The following CNGA2 variants were observed in gnomAD, a reference collection of about 807,000 sequenced individuals.
CNGA2 encodes the protein cyclic nucleotide-gated channel alpha-2.
A neutral mutation model predicts 35.9 loss-of-function variants in CNGA2; 22 were observed. The ratio of observed to expected loss-of-function variants is 0.61; its 90% CI spans 0.44 to 0.88. The LOEUF (loss-of-function observed/expected upper bound fraction) is 0.88. CNGA2 is among the 40% of genes least tolerant of loss of function. The probability of loss-of-function intolerance (pLI) is 0.00; values close to 1 mark genes in which losing one functional copy is unlikely to be tolerated. For missense variants in CNGA2, 555 were observed against 530.8 expected, an observed-to-expected ratio of 1.05 and a Z score of -0.45; for synonymous variants, 217 against 209.2, an observed-to-expected ratio of 1.04 and a Z score of -0.32.
At position 151,744,129 on chromosome X, in the gene CNGA2, C is replaced by G. The variant is rs1202632536; in HGVS notation, c.1626C>G (p.Ser542Arg). The G allele has an allele frequency of 8.3e-7, 1 of 1,207,755 alleles. No homozygotes were observed. Among genetic ancestry groups the G allele is most frequent in the Non-Finnish European group, 1.1e-6 (1 of 894,759 alleles). The part of the protein sequence containing the change: ...MGNRRTANIR[S>R]LGYSDLFCLS... ...ATCGACGCACAGCTAATATCCGCAGCCTGGGCTACTCAGATCTCTTCTGCT... is the reference window on the plus strand; with the variant it reads ...ATCGACGCACAGCTAATATCCGCAGGCTGGGCTACTCAGATCTCTTCTGCT... Residue 542 changes from serine (S) to arginine (R), a missense_variant, in exon 7 of 7, where the codon AGC becomes AGG. Ser to Arg is a moderately radical substitution (Grantham distance 110, BLOSUM62 -1). Transcript: ENST00000329903.
In CNGA2 at chrX:151,739,590, G is replaced by T. The variant is rs1290473022; in HGVS notation, c.232G>T (p.Glu78Ter). The part of the protein sequence containing the change: ...RIVRLVGIIR[E>*]WANKNFREEE... ...AGTTCGCCTGGTGGGGATCATCAGA[G>T]AATGGGCCAACAAGAATTTCCGAGA... is the stretch of plus-strand genomic sequence containing the variant. The change falls in exon 4 of 7, where the codon GAA becomes TAA. Residue 78 changes from glutamate (E) to a stop codon, truncating the protein, a stop_gained. Coordinates refer to ENST00000329903, the MANE Select transcript of CNGA2 (RefSeq NM_005140.3). LOFTEE classifies it high-confidence loss of function. 1 of 1,211,757 alleles carries T rather than the reference G, an allele frequency of 8.3e-7. No individual in the cohort carries two copies. The highest frequency in any genetic ancestry group is 1.1e-6 in the Non-Finnish European group (1 of 895,510).
At position 151,743,368 on chromosome X, in the gene CNGA2, A is replaced by C. The variant is rs1469550830; in HGVS notation, c.865A>C (p.Asn289His). 5.0e-6 allele frequency: 6 copies of C among 1,209,385 alleles called. No individual in the cohort carries two copies. The highest frequency in any genetic ancestry group is 6.7e-6 in the Non-Finnish European group (6 of 895,059). ...CTACATCTTGGTCATCATCCACTGG[A>C]ATGCCTGCATCTATTATGCCATCTC... ...VLYILVIIHWNACIYYAISKS... is the reference protein window; with the variant it reads ...VLYILVIIHWHACIYYAISKS... The change falls in exon 7 of 7, where the codon AAT becomes CAT. Residue 289 changes from asparagine to histidine, a missense_variant. Transcript: ENST00000329903.
At chrX:151,735,999 A>C (rs973878473) in intron 1 of CNGA2, among the ~76,000 whole-genome samples, 9 of 111,411 alleles carry the variant, frequency 8.1e-5, no homozygotes, top group Non-Finnish European at 1.1e-4. Flanking sequence ...AGTACCCGGC[A>C]TAGAACACTT....
rs2015315033 is a variant in CNGA2 at position 151,742,526 on chromosome X, C to T, written c.483-10C>T. On this transcript the variant is annotated splice_polypyrimidine_tract_variant and intron_variant, in intron 5 of 6. Transcript: ENST00000329903. ...CTTTGGGGGTGAAGCTTAGCCCTGT[C>T]CTCCCGCAGAGCCTGCTTCAGTGAC... The T allele has an allele frequency of 4.2e-6, 5 of 1,192,783 alleles. No individual in the cohort carries two copies. Among genetic ancestry groups the T allele is most frequent in the Non-Finnish European group, 5.7e-6 (5 of 879,930 alleles).
rs1296159793 is a variant in CNGA2 at position 151,744,439 on chromosome X, G to A, written c.1936G>A (p.Asp646Asn). The change falls in exon 7 of 7, where the codon GAT becomes AAT. Residue 646 changes from aspartate to asparagine, a missense_variant. Asp to Asn is a conservative substitution (Grantham distance 23, BLOSUM62 1). Coordinates refer to ENST00000329903, the MANE Select transcript of CNGA2 (RefSeq NM_005140.3). ...LETKMKQNNE[D>N]DYLSDGMNSP... ...AACCAAGATGAAACAGAACAATGAA[G>A]ATGACTACCTGTCTGATGGGATGAA... 8.3e-7 allele frequency: 1 copy of A among 1,204,533 alleles called. No homozygotes were observed. Among genetic ancestry groups the A allele is most frequent in the Non-Finnish European group, 1.1e-6 (1 of 891,986 alleles).
rs1032735907 is a variant in CNGA2, at chrX:151,744,029, A to G, written c.1526A>G (p.Gln509Arg). 1 of 1,209,354 alleles carries G rather than the reference A, an allele frequency of 8.3e-7. No homozygotes were observed. Among genetic ancestry groups the G allele is most frequent in the Non-Finnish European group, 1.1e-6 (1 of 895,182 alleles). Residue 509 changes from glutamine (Q) to arginine (R), a missense_variant, in exon 7 of 7, where the codon CAG becomes CGG. Gln to Arg is a conservative substitution (Grantham distance 43). Coordinates refer to ENST00000329903, the MANE Select transcript of CNGA2 (RefSeq NM_005140.3). Reference protein sequence around the residue: ...LAVVADDGVTQYALLSAGSCF... With the variant: ...LAVVADDGVTRYALLSAGSCF... ...GTGGTGGCTGATGATGGTGTGACTC[A>G]GTATGCTCTGCTGTCGGCTGGAAGC...
chrX:151,737,993 C>T (rs1165092660), intron 1 of CNGA2, among the ~76,000 whole-genome samples: 9 of 105,784 alleles, frequency 8.5e-5, no homozygotes, highest in African/African-American at 3.1e-4. Flanking sequence ...GGAAGCTACT[C>T]TGGGTCAGGG....
rs147644460 is a variant in CNGA2, at chrX:151,744,161, A to G, written c.1658A>G (p.Lys553Arg). 6.3e-5 allele frequency: 76 copies of G among 1,207,970 alleles called. No homozygotes were observed. The African/African-American group carries it at 1.2e-3, about 19-fold the overall frequency. The change falls in exon 7 of 7, where the codon AAG becomes AGG. Residue 553 changes from lysine to arginine, a missense_variant. Physicochemically the swap from Lys to Arg is conservative, Grantham distance 26 (BLOSUM62 2). Transcript: ENST00000329903. ...LGYSDLFCLS[K>R]DDLMEAVTEY... ...TACTCAGATCTCTTCTGCTTGTCCAAGGATGATCTTATGGAAGCTGTGACT... is the reference window on the plus strand; with the variant it reads ...TACTCAGATCTCTTCTGCTTGTCCAGGGATGATCTTATGGAAGCTGTGACT...
chrX:151,744,361 G>A lies in CNGA2; in HGVS notation c.1858G>A (p.Ala620Thr). 2 of 1,211,399 alleles carry A rather than the reference G, an allele frequency of 1.7e-6. No individual in the cohort carries two copies. Among genetic ancestry groups the A allele is most frequent in the Non-Finnish European group, 2.2e-6 (2 of 895,468 alleles). Residue 620 changes from alanine (A) to threonine (T), a missense_variant, in exon 7 of 7, where the codon GCT (alanine) becomes ACT (threonine). Physicochemically the swap from Ala to Thr is moderately conservative, Grantham distance 58. Coordinates refer to ENST00000329903, the MANE Select transcript of CNGA2 (RefSeq NM_005140.3). ...GTACACTCGCTTTGGCCGCCTGCTG[G>A]CTGAGTACACGGGGGCCCAGCAGAA... ...TLYTRFGRLL[A>T]EYTGAQQKLK...
intron 1 of CNGA2, among the ~76,000 whole-genome samples, chrX:151,736,824 T>G (rs776799504): frequency 9.0e-6 from 1 of 111,602 alleles, no homozygotes; most frequent in Non-Finnish European, 1.9e-5. Flanking sequence ...GGCCTGGCCC[T>G]GGATTACAGC....
In CNGA2 at chrX:151,740,786, C is replaced by T. The variant is rs1307416168; in HGVS notation, c.375-8C>T. On this transcript the variant is annotated splice_polypyrimidine_tract_variant and splice_region_variant and intron_variant, in intron 4 of 6. Coordinates refer to ENST00000329903, the MANE Select transcript of CNGA2 (RefSeq NM_005140.3). Reference sequence around the variant, plus strand: ...ATCCCCAAACCTTGCCTTTGTCTGTCTTCTCAGGAAGAAATTTGAACTATT... The same window carrying T: ...ATCCCCAAACCTTGCCTTTGTCTGTTTTCTCAGGAAGAAATTTGAACTATT... The T allele has an allele frequency of 3.3e-6, 4 of 1,195,831 alleles. No individual in the cohort carries two copies. Among genetic ancestry groups the T allele is most frequent in the African/African-American group, 1.7e-5 (1 of 57,575 alleles).
chrX:151,742,970 A>ATG (rs377750886), intron 6 of CNGA2, 123 bp from the exon 7 acceptor site: 1 of 70,807 alleles, frequency 1.4e-5, no homozygotes, highest in Non-Finnish European at 2.4e-5. Flanking sequence ...GTATATATAT[A>ATG]TGTATATATA....
chrX:151,740,200 T>C (rs1030558297), intron 4 of CNGA2, among the ~76,000 whole-genome samples: 1 of 111,902 alleles, frequency 8.9e-6, no homozygotes, highest in African/African-American at 3.3e-5. Context: ...GGTTTGTCTT[T>C]TGAGGAATGA....
intron 1 of CNGA2, among the ~76,000 whole-genome samples, 194 bp downstream of exon 1, chrX:151,735,137 T>G (rs2015234047): frequency 8.9e-6 from 1 of 112,086 alleles, no homozygotes; most frequent in African/African-American, 3.2e-5. Flanking sequence ...CTGGGCTGGC[T>G]GCTCAACTTG....
chrX:151,741,013 AC>A (rs948326190), intron 5 of CNGA2, 112 bp downstream of exon 5: 1 of 531,453 alleles, frequency 1.9e-6, no homozygotes, highest in Non-Finnish European at 3.3e-6. Context: ...TTCTCTGTTA[AC>A]CCCAACCCTC....
rs1014565545 is a variant in CNGA2, at chrX:151,744,702, C to T, written c.*204C>T. The T allele has an allele frequency of 2.9e-5, 10 of 350,796 alleles. No homozygotes were observed. Among genetic ancestry groups the T allele is most frequent in the South Asian group, 1.1e-4 (1 of 8,992 alleles). The allele number at this position is 350,796 out of a possible 1,213,427, so 28.9% of individuals were successfully genotyped here. On this transcript the variant is annotated 3_prime_UTR_variant, in exon 7 of 7. Coordinates refer to ENST00000329903, the MANE Select transcript of CNGA2 (RefSeq NM_005140.3). ...CCAAGTTTGTGGAGAGTACAGACTG[C>T]GTTGGCTGGGCTTCCGAGAGCTTCG...
At position 151,744,622 on chromosome X, in the gene CNGA2, T is replaced by C; in HGVS notation, c.*124T>C. On this transcript the variant is annotated 3_prime_UTR_variant, in exon 7 of 7. Coordinates refer to ENST00000329903, the MANE Select transcript of CNGA2 (RefSeq NM_005140.3). ...TGTTCCCTGAATTCTCCCAAAAGCC[T>C]CTCTGACCCTGGGTTTTTGGCCTAA... 1.6e-6 allele frequency: 1 copy of C among 629,075 alleles called. No individual in the cohort carries two copies. Among genetic ancestry groups the C allele is most frequent in the South Asian group, 4.1e-5 (1 of 24,442 alleles). The allele number at this position is 629,075 out of a possible 1,213,427, so 51.8% of individuals were successfully genotyped here.
rs746099774 is a variant in CNGA2 at position 151,743,799 on chromosome X, G to C, written c.1296G>C (p.Leu432=). 6 of 1,209,844 alleles carry C rather than the reference G, an allele frequency of 5.0e-6. No homozygotes were observed. The highest frequency in any genetic ancestry group is 2.2e-5 in the Admixed American group (1 of 45,733). Residue 432 remains leucine, a synonymous_variant, in exon 7 of 7, where the codon CTG becomes CTC. Transcript: ENST00000329903. Reference sequence around the variant, plus strand: ...ATGAGCGAGAAATTCTCAAGAATCTGCCAGCCAAGCTCAGGGCTGAGATAG... The same window carrying C: ...ATGAGCGAGAAATTCTCAAGAATCTCCCAGCCAAGCTCAGGGCTGAGATAG... ...TVDEREILKN[L]PAKLRAEIAI... is the part of the protein sequence containing the mutation.
Position 151,738,849 on chromosome X carries a change from C to T in CNGA2, c.173C>T (p.Ala58Val). ...SELQRLADVD[A>V]PQQGRSGFRR... Reference sequence around the variant, plus strand: ...CTGCAGAGGCTGGCAGACGTGGATGCCCCACAGCAGGGAAGGAGTGGCTTC... The same window carrying T: ...CTGCAGAGGCTGGCAGACGTGGATGTCCCACAGCAGGGAAGGAGTGGCTTC... Residue 58 changes from alanine to valine, a missense_variant, in exon 3 of 7, where the codon GCC (alanine) becomes GTC (valine). Ala to Val is a moderately conservative substitution (Grantham distance 64). Transcript: ENST00000329903. 1 of 1,176,445 alleles carries T rather than the reference C, an allele frequency of 8.5e-7. No individual in the cohort carries two copies. The highest frequency in any genetic ancestry group is 1.1e-6 in the Non-Finnish European group (1 of 877,368).
Sources: allele counts gnomAD v4.1 joint callset (sites outside exome capture counted in the v4.1 genomes callset), GRCh38; gene constraint gnomAD v4.1.1; transcripts MANE v1.5; gene names NCBI Gene and HGNC (gene_info 2026-07-23, HGNC 2026-07-21).